Variants in LRMDA observed in about 807,000 individuals in gnomAD.
LRMDA encodes leucine rich melanocyte differentiation associated.
Under a neutral mutation model 29.8 loss-of-function variants are expected in LRMDA, and 18 were observed. The ratio of observed to expected loss-of-function variants is 0.60; its 90% CI spans 0.42 to 0.90. The LOEUF (loss-of-function observed/expected upper bound fraction) is 0.90, where lower values mean the gene tolerates loss of function less well. LRMDA is among the 40% of genes least tolerant of loss of function. The probability of loss-of-function intolerance (pLI) is 0.00; values close to 1 mark genes in which losing one functional copy is unlikely to be tolerated. For missense variants in LRMDA, 273 were observed against 273.9 expected, an observed-to-expected ratio of 1.00 and a Z score of 0.02; for synonymous variants, 125 against 109.4, an observed-to-expected ratio of 1.14 and a Z score of -0.89.
intron 5 of LRMDA, among the ~76,000 whole-genome samples, chr10:76,189,356 CA>C (rs35310747): frequency 0.077 from 10,967 of 142,582 alleles, 1,275 homozygotes; most frequent in African/African-American, 0.25. Context: ...GATTCTGTCT[CA>C]AAAAAAAAAA....
chr10:75,678,978 G>A (rs757557906), intron 2 of LRMDA, among the ~76,000 whole-genome samples: 8 of 152,074 alleles, frequency 5.3e-5, no homozygotes, highest in Admixed American at 1.3e-4. Flanking sequence ...AAGAGTCCCT[G>A]GGGCCACATC....
chr10:75,785,335 G>A (rs972319081), intron 2 of LRMDA, among the ~76,000 whole-genome samples: 7 of 94,714 alleles, frequency 7.4e-5, no homozygotes, highest in African/African-American at 3.3e-4. Context: ...TTCTGTGGAA[G>A]TCCTTGAACG....
intron 2 of LRMDA, among the ~76,000 whole-genome samples, chr10:75,926,873 T>G (rs2132396113): frequency 6.6e-6 from 1 of 152,364 alleles, no homozygotes; most frequent in East Asian, 1.9e-4. Flanking sequence ...TATCTGATAC[T>G]TAGAAGGAAC....
rs148751766 is a variant in LRMDA, at chr10:75,967,875, C to T, written c.132-68133C>T. On this transcript the variant is annotated intron_variant, in intron 2 of 6. Transcript: ENST00000611255. ...CCCCACATCAGTGGAGACAGGGCCC[C>T]GTGAAGAGCCTGTTCTTGAGGGAGG... Among the ~76,000 whole-genome samples the T allele has an allele frequency of 6.7e-4, 102 of 152,140 alleles. 1 individual carries two copies. Among genetic ancestry groups the T allele is most frequent in the African/African-American group, 2.3e-3 (96 of 41,512 alleles).
At chr10:76,360,217 A>T (rs1841294927) in intron 6 of LRMDA, among the ~76,000 whole-genome samples, 1 of 151,408 alleles carries the variant, frequency 6.6e-6, no homozygotes, top group Non-Finnish European at 1.5e-5. Flanking sequence ...TGAACTCCTG[A>T]CCTCAGGTGG....
intron 6 of LRMDA, among the ~76,000 whole-genome samples, chr10:76,430,083 T>C (rs1010627210): frequency 6.6e-6 from 1 of 152,236 alleles, no homozygotes; most frequent in African/African-American, 2.4e-5. Flanking sequence ...TGGAAACTTG[T>C]AGCCTGGTAG....
At chr10:76,341,808 A>G (rs992714518) in intron 6 of LRMDA, among the ~76,000 whole-genome samples, 1 of 152,138 alleles carries the variant, frequency 6.6e-6, no homozygotes, top group Non-Finnish European at 1.5e-5. Context: ...GGCTTTTCAT[A>G]GCCTAGTAGC....
chr10:76,085,319 G>A (rs1290892478), intron 5 of LRMDA, among the ~76,000 whole-genome samples: 2 of 152,164 alleles, frequency 1.3e-5, no homozygotes, highest in African/African-American at 4.8e-5. Context: ...GAAGATATTT[G>A]GAAAGCAGTA....
chr10:75,494,248 T>A (rs1845020474), intron 2 of LRMDA, among the ~76,000 whole-genome samples: 1 of 152,162 alleles, frequency 6.6e-6, no homozygotes, highest in East Asian at 1.9e-4. Flanking sequence ...CTGAAAATAG[T>A]GGTCTTTTAC....
intron 2 of LRMDA, among the ~76,000 whole-genome samples, chr10:75,812,853 A>T (rs1843988644): frequency 6.6e-6 from 1 of 152,230 alleles, no homozygotes. Context: ...CTCTTCCCCA[A>T]TATCTTGCCA....
chr10:75,858,822 T>G (rs897435953), intron 2 of LRMDA, among the ~76,000 whole-genome samples: 2 of 152,234 alleles, frequency 1.3e-5, no homozygotes, highest in Non-Finnish European at 2.9e-5. Flanking sequence ...GGCTCAGTTC[T>G]TTTTGGCTGC....
chr10:76,470,606 G>A (rs1842608512), intron 6 of LRMDA: 12 of 152,000 alleles, frequency 7.9e-5, no homozygotes, highest in Admixed American at 7.9e-4. Context: ...ATATAGTTGG[G>A]AAAAGATTAT....
At chr10:76,226,593 A>G (rs1405220235) in intron 5 of LRMDA, among the ~76,000 whole-genome samples, 1 of 152,194 alleles carries the variant, frequency 6.6e-6, no homozygotes, top group African/African-American at 2.4e-5. Flanking sequence ...GCAAAAAAGA[A>G]AAGAAAACAA....
At position 76,354,141 on chromosome 10, in the gene LRMDA, C is replaced by T. The variant is rs142658909; in HGVS notation, c.601+29656C>T. Among the ~76,000 whole-genome samples the T allele has an allele frequency of 1.6e-3, 251 of 152,180 alleles. 2 individuals carry two copies. The highest frequency in any genetic ancestry group is 6.8e-3 in the Middle Eastern group (2 of 294). On this transcript the variant is annotated intron_variant, in intron 6 of 6. Transcript: ENST00000611255. ...TGACTGCAGGTGTTGGAGATATCCC[C>T]GTCCCACCCGAATACATATGGCTCA...
intron 2 of LRMDA, among the ~76,000 whole-genome samples, chr10:75,674,419 T>A (rs544046808): frequency 1.3e-5 from 2 of 152,290 alleles, no homozygotes; most frequent in East Asian, 3.9e-4. Context: ...TTATATCTCA[T>A]CCAGGTTTCT....
chr10:75,670,226 T>G (rs1841874407), intron 2 of LRMDA, among the ~76,000 whole-genome samples: 1 of 152,210 alleles, frequency 6.6e-6, no homozygotes, highest in East Asian at 1.9e-4. Context: ...TCTCCTTCAT[T>G]AGCAAAAATG....
intron 2 of LRMDA, among the ~76,000 whole-genome samples, chr10:75,582,946 T>C (rs1196340211): frequency 6.6e-6 from 1 of 152,234 alleles, no homozygotes; most frequent in Non-Finnish European, 1.5e-5. Flanking sequence ...CTCTTTGTAC[T>C]CAAGCTCTTT....
intron 6 of LRMDA, among the ~76,000 whole-genome samples, chr10:76,400,738 G>A (rs373293636): frequency 2.2e-5 from 1 of 45,378 alleles, no homozygotes; most frequent in African/African-American, 9.4e-5. Context: ...TTTCATAAAA[G>A]CTTTTTTGAT....
chr10:76,036,052 T>G lies in LRMDA; in HGVS notation c.176T>G (p.Ile59Ser). ...GCATTCAGGAGCCTGGAGGAACTCA[T>G]CTTGGACAACAATCAGCTGGGGGAC... Reference protein sequence around the residue: ...LSAFRSLEELILDNNQLGDDL... With the variant: ...LSAFRSLEELSLDNNQLGDDL... Residue 59 changes from isoleucine to serine, a missense_variant, in exon 3 of 7, where the codon ATC (isoleucine) becomes AGC (serine). Ile to Ser is a moderately radical substitution (Grantham distance 142). Coordinates refer to ENST00000611255, the MANE Select transcript of LRMDA (RefSeq NM_001305581.2). 6.2e-7 allele frequency: 1 copy of G among 1,614,114 alleles called. No individual in the cohort carries two copies. The highest frequency in any genetic ancestry group is 8.5e-7 in the Non-Finnish European group (1 of 1,180,032).
Sources: gnomAD v4.1 joint callset for allele counts (sites outside exome capture counted in the v4.1 genomes callset) on GRCh38, gnomAD v4.1.1 for gene constraint, MANE v1.5 for transcripts, NCBI Gene and HGNC (gene_info 2026-07-23, HGNC 2026-07-21) for gene names.